CSPG4: variants seen among roughly 807,000 people sequenced by gnomAD.
The protein encoded by CSPG4 is chondroitin sulfate proteoglycan 4, also known as chondroitin sulfate proteoglycan 4 (melanoma-associated).
Under a neutral mutation model 139.3 loss-of-function variants are expected in CSPG4, and 74 were observed. The ratio of observed to expected loss-of-function variants is 0.53; its 90% CI spans 0.44 to 0.64. CSPG4 has a LOEUF of 0.64. CSPG4 is among the 30% of genes least tolerant of loss of function. The pLI, the probability that CSPG4 is intolerant of heterozygous loss-of-function variation, is 0.00. For missense variants in CSPG4, 2,565 were observed against 3,148.3 expected (o/e 0.81, Z 4.43); for synonymous variants, 1,234 against 1,394.2 (o/e 0.89, Z 2.56).
At position 75,676,549 on chromosome 15, in the gene CSPG4, G is replaced by C. The variant is rs1566971190; in HGVS notation, c.5970C>G (p.Leu1990=). Residue 1990 remains leucine (L), a synonymous_variant, in exon 10 of 10, where the codon CTC becomes CTG. Coordinates refer to ENST00000308508, the MANE Select transcript of CSPG4 (RefSeq NM_001897.5). ...RLIQGPQYGH[L]LVGGRPTSAF... Reference sequence around the variant, plus strand: ...CCGAGGTGGGCCGCCCGCCCACCAGGAGATGCCCATACTGGGGTCCCTGGA... The same window carrying C: ...CCGAGGTGGGCCGCCCGCCCACCAGCAGATGCCCATACTGGGGTCCCTGGA... 2 of 1,613,668 alleles carry C rather than the reference G, an allele frequency of 1.2e-6. No homozygotes were observed. Among genetic ancestry groups the C allele is most frequent in the African/African-American group, 2.7e-5 (2 of 74,956 alleles).
Position 75,690,384 on chromosome 15 carries a change from C to G in CSPG4, c.681G>C (p.Glu227Asp), listed in dbSNP as rs1894147160. ...AWGTQDEGTL[E>D]FTLTTQSRQA... ...GCCGGCTCTGTGTGGTGAGTGTAAA[C>G]TCTAGGGTTCCTTCGTCCTGAGTGC... Residue 227 changes from glutamate to aspartate, a missense_variant, in exon 3 of 10, where the codon GAG (glutamate) becomes GAC (aspartate). This residue lies in a region of CSPG4 where 40 missense variants were observed against 89.0 expected (regional missense o/e 0.45). Coordinates refer to ENST00000308508, the MANE Select transcript of CSPG4 (RefSeq NM_001897.5). The G allele has an allele frequency of 1.2e-6, 2 of 1,610,364 alleles. No individual in the cohort carries two copies. Among genetic ancestry groups the G allele is most frequent in the African/African-American group, 1.3e-5 (1 of 74,874 alleles).
intron 1 of CSPG4, among the ~76,000 whole-genome samples, chr15:75,708,850 G>C (rs984365168): frequency 6.6e-6 from 1 of 152,214 alleles, no homozygotes; most frequent in Admixed American, 6.5e-5. Context: ...AACATAGTGA[G>C]ACCTCGTCTC....
At position 75,676,722 on chromosome 15, in the gene CSPG4, G is replaced by T; in HGVS notation, c.5797C>A (p.Leu1933Met). The T allele has an allele frequency of 6.3e-7, 1 of 1,585,876 alleles. No individual in the cohort carries two copies. Residue 1933 changes from leucine to methionine, a missense_variant, in exon 10 of 10, where the codon CTG becomes ATG. This residue lies in a region of CSPG4 where 2,316 missense variants were observed against 2,818.2 expected (regional missense o/e 0.82). Coordinates refer to ENST00000308508, the MANE Select transcript of CSPG4 (RefSeq NM_001897.5). ...GCGGATGGTAGGATGTCCACAGCCA[G>T]GGACATGGGCAGGGGTGGGCTGGCC... ...DGASPPLPMS[L>M]AVDILPSAIE...
intron 1 of CSPG4, among the ~76,000 whole-genome samples, chr15:75,703,546 C>T (rs1374428898): frequency 1.3e-5 from 2 of 152,142 alleles, no homozygotes; most frequent in East Asian, 1.9e-4. Context: ...GCAGTCTCCA[C>T]GGGGAAGGCC....
chr15:75,675,904 A>G lies in CSPG4; in HGVS notation c.6615T>C (p.Pro2205=). Residue 2205 remains proline, a synonymous_variant, in exon 10 of 10, where the codon CCT becomes CCC. Transcript: ENST00000308508. The stretch of plus-strand genomic sequence containing the variant: ...AGCCTCCCTTGGCCACAGCGGGCTC[A>G]GGGCTGGATGCCATGGGGCCTGGCT... The part of the protein sequence containing the change: ...TGEPGPMASS[P]EPAVAKGGFL... 6.2e-7 allele frequency: 1 copy of G among 1,603,060 alleles called. No homozygotes were observed. Among genetic ancestry groups the G allele is most frequent in the Non-Finnish European group, 8.5e-7 (1 of 1,179,622 alleles).
intron 5 of CSPG4, among the ~76,000 whole-genome samples, chr15:75,683,491 A>G (rs1894008514): frequency 6.6e-6 from 1 of 152,132 alleles, no homozygotes; most frequent in Admixed American, 6.5e-5. Context: ...GTGATTTTAG[A>G]AATGGGCCCT....
At position 75,676,800 on chromosome 15, in the gene CSPG4, C is replaced by T. The variant is rs368180303; in HGVS notation, c.5719G>A (p.Val1907Met). 3.0e-5 allele frequency: 47 copies of T among 1,542,346 alleles called. No homozygotes were observed. Among genetic ancestry groups the T allele is most frequent in the Non-Finnish European group, 3.7e-5 (42 of 1,142,658 alleles). ...ADVDSGRLAF[V>M]ANGSSVAGIF... ...CCTGCCACGCTGCTCCCGTTGGCCA[C>T]GAAGGCCAGCCGCCCTGAATCCACA... The change falls in exon 10 of 10, where the codon GTG becomes ATG. Residue 1907 changes from valine (V) to methionine (M), a missense_variant. Physicochemically the swap from Val to Met is conservative, Grantham distance 21. Around this residue, in one of 5 missense-constraint regions of CSPG4, gnomAD observed 2,316 missense variants for 2,818.2 expected, o/e 0.82. Coordinates refer to ENST00000308508, the MANE Select transcript of CSPG4 (RefSeq NM_001897.5).
Position 75,688,799 on chromosome 15 carries a change from C to T in CSPG4, c.2266G>A (p.Val756Met), listed in dbSNP as rs529300336. 1.6e-4 allele frequency: 258 copies of T among 1,612,780 alleles called. 5 individuals are homozygous for T. In the South Asian group the frequency reaches 2.2e-3, roughly 14 times the overall value. The change falls in exon 3 of 10, where the codon GTG becomes ATG. Residue 756 changes from valine (V) to methionine (M), a missense_variant. By Grantham distance (21) the Val-to-Met change is conservative. Coordinates refer to ENST00000308508, the MANE Select transcript of CSPG4 (RefSeq NM_001897.5). ...TGCACCTCCAGGGCCAGGTTCTCCA[C>T]GGTGTCGTAAGCGTGGTGCTGTGGG... is the stretch of plus-strand genomic sequence containing the variant. ...TDPQHHAYDT[V>M]ENLALEVQVG...
chr15:75,698,331 GT>G lies in CSPG4; in HGVS notation c.89-5099del, dbSNP rs777807683. Reference sequence around the variant, plus strand: ...AGGTGTGTATGTGGTGGGGCGGGGGGTGGTCGTGGCCCACCTGGGGGCTGAA... The same window carrying G: ...AGGTGTGTATGTGGTGGGGCGGGGGGGGTCGTGGCCCACCTGGGGGCTGAA... On this transcript the variant is annotated intron_variant, in intron 1 of 9. Transcript: ENST00000308508. The surrounding 1 kb of genome is among the most constrained non-coding windows in gnomAD (Gnocchi z 4.3). Among the ~76,000 whole-genome samples, 925 of 151,296 alleles carry G rather than the reference GT, an allele frequency of 6.1e-3. 33 individuals carry two copies. Among genetic ancestry groups the G allele is most frequent in the South Asian group, 0.024 (114 of 4,790 alleles).
At chr15:75,693,455 T>C (rs1894190912) in intron 1 of CSPG4, among the ~76,000 whole-genome samples, 1 of 152,184 alleles carries the variant, frequency 6.6e-6, no homozygotes, top group Non-Finnish European at 1.5e-5. Flanking sequence ...AGATCTTGTA[T>C]TTACAGGAGG....
rs1430200444 is a variant in CSPG4, at chr15:75,687,963, C to T, written c.3102G>A (p.Arg1034=). The T allele has an allele frequency of 1.2e-6, 2 of 1,612,684 alleles. No homozygotes were observed. Among genetic ancestry groups the T allele is most frequent in the East Asian group, 4.5e-5 (2 of 44,908 alleles). The change falls in exon 3 of 10, where the codon CGG becomes CGA. Residue 1034 remains arginine (R), a synonymous_variant. Coordinates refer to ENST00000308508, the MANE Select transcript of CSPG4 (RefSeq NM_001897.5). The surrounding 1 kb of genome is among the most constrained non-coding windows in gnomAD (Gnocchi z 5.4). ...SRIFHVARGG[R]RLLTTDDVAF... ...CCACGTCGTCTGTAGTCAGCAGCCG[C>T]CGCCCACCCCGGGCCACATGGAAGA... is the stretch of plus-strand genomic sequence containing the variant.
In CSPG4 at chr15:75,688,271, A is replaced by G. The variant is rs1254688733; in HGVS notation, c.2794T>C (p.Tyr932His). The G allele has an allele frequency of 3.1e-6, 5 of 1,612,960 alleles. No individual in the cohort carries two copies. Among genetic ancestry groups the G allele is most frequent in the African/African-American group, 1.3e-5 (1 of 74,934 alleles). ...GGCCGCTCCATGACCTCATAGAGGT[A>G]GCTGGCACTGTTGAGACTCTTGACA... ...LFVKSLNSAS[Y>H]LYEVMERPRH... The change falls in exon 3 of 10, where the codon TAC becomes CAC. Residue 932 changes from tyrosine (Y) to histidine (H), a missense_variant. This residue lies in a region of CSPG4 where 2,316 missense variants were observed against 2,818.2 expected (regional missense o/e 0.82). Transcript: ENST00000308508.
Position 75,682,572 on chromosome 15 carries a change from T to C in CSPG4, c.4783+35A>G, listed in dbSNP as rs1245714488. Reference sequence around the variant, plus strand: ...CCACCCTCAGCTCCGCCCCAGCTCCTGGCACCCAGGAATGCCCATGATCAG... The same window carrying C: ...CCACCCTCAGCTCCGCCCCAGCTCCCGGCACCCAGGAATGCCCATGATCAG... On this transcript the variant is annotated intron_variant, in intron 7 of 9. Coordinates refer to ENST00000308508, the MANE Select transcript of CSPG4 (RefSeq NM_001897.5). 7 of 1,606,942 alleles carry C rather than the reference T, an allele frequency of 4.4e-6. No homozygotes were observed. The Admixed American group carries it at 8.3e-5, about 19-fold the overall frequency.
At chr15:75,701,204 A>G (rs569338774) in intron 1 of CSPG4, among the ~76,000 whole-genome samples, 1 of 152,256 alleles carries the variant, frequency 6.6e-6, no homozygotes, top group Non-Finnish European at 1.5e-5. Context: ...GCTCTTGAGG[A>G]CAGGACCAGG....
Position 75,696,765 on chromosome 15 carries a change from G to C in CSPG4, c.89-3532C>G, listed in dbSNP as rs1894232203. 6.6e-6 allele frequency among the ~76,000 whole-genome samples: 1 copy of C among 152,174 alleles called. No homozygotes were observed. The highest frequency in any genetic ancestry group is 6.5e-5 in the Admixed American group (1 of 15,290). ...TGCTGTCTGGGCCTGAGGGTGGGGT[G>C]GCTCCATCCTTCTTCCTGAGATCTA... is the stretch of plus-strand genomic sequence containing the variant. On this transcript the variant is annotated intron_variant, in intron 1 of 9. Transcript: ENST00000308508. This position sits in a 1 kb window ranked among gnomAD's most constrained non-coding sequence, Gnocchi z 4.2.
chr15:75,681,377 G>T (rs889184444), intron 8 of CSPG4, among the ~76,000 whole-genome samples: 53 of 152,328 alleles, frequency 3.5e-4, no homozygotes, highest in African/African-American at 1.2e-3. Context: ...GGGCTGGGGT[G>T]GGCTCTGCCA....
rs767015491 is a variant in CSPG4, at chr15:75,688,512, G to A, written c.2553C>T (p.Asp851=). ...CATAGGTCACCCGGCCAGCCTGTAT[G>A]TCATCCTGGGTGAAGCCCTGGCCAT... ...LSDGQGFTQD[D]IQAGRVTYGA... The change falls in exon 3 of 10, where the codon GAC becomes GAT. Residue 851 remains aspartate (D), a synonymous_variant. Transcript: ENST00000308508. 5.0e-6 allele frequency: 8 copies of A among 1,613,168 alleles called. No homozygotes were observed. The South Asian group carries it at 5.5e-5, about 11-fold the overall frequency.
At chr15:75,679,544 C>T (rs1893943298) in intron 8 of CSPG4, 1 of 152,280 alleles carries the variant, frequency 6.6e-6, no homozygotes, top group South Asian at 2.1e-4. Context: ...ACTCCCCTCA[C>T]CTCCACTCCA....
Position 75,689,253 on chromosome 15 carries a change from C to T in CSPG4, c.1812G>A (p.Glu604=). 6.2e-7 allele frequency: 1 copy of T among 1,610,618 alleles called. No individual in the cohort carries two copies. ...CCGGCTCCCCAGGCTGGTCTCGGCG[C>T]TCCACGGGGAGGCCAGAGGAGGTGC... is the stretch of plus-strand genomic sequence containing the variant. ...VLGTSSGLPV[E]RRDQPGEPAT... is the part of the protein sequence containing the mutation. Residue 604 remains glutamate, a synonymous_variant, in exon 3 of 10, where the codon GAG becomes GAA. Coordinates refer to ENST00000308508, the MANE Select transcript of CSPG4 (RefSeq NM_001897.5).
Sources: gnomAD v4.1 joint callset for allele counts (sites outside exome capture counted in the v4.1 genomes callset) on GRCh38, gnomAD v4.1.1 for gene constraint, gnomAD v4.1.1 regional missense constraint, Gnocchi (gnomAD v3.1) non-coding constraint, MANE v1.5 for transcripts, NCBI Gene and HGNC (gene_info 2026-07-23, HGNC 2026-07-21) for gene names.